The following CSMD1 variants were observed in gnomAD, a reference collection of about 807,000 sequenced individuals.
CSMD1 encodes CUB and sushi domain-containing protein 1.
In CSMD1, 213 loss-of-function variants were observed where a neutral mutation model predicts 417.5. The observed-to-expected ratio is 0.51, with a 90% CI of 0.46 to 0.57. The LOEUF is 0.57. Ranked by LOEUF, CSMD1 falls within the 20% of genes least tolerant of loss-of-function variation. The pLI is 0.00. For synonymous variants in CSMD1, 2,862 were observed against 1,736.8 expected (o/e 1.65, Z -16.11); for missense variants, 6,923 against 4,529.7 (o/e 1.53, Z -15.17).
chr8:3,377,794 T>A (rs767033788), intron 18 of CSMD1, among the ~76,000 whole-genome samples: 3 of 152,222 alleles, frequency 2.0e-5, no homozygotes, highest in Non-Finnish European at 4.4e-5. Context: ...GTTTCCTCAG[T>A]TACTACCCCC....
At position 3,457,158 on chromosome 8, in the gene CSMD1, C is replaced by G. The variant is rs374350825; in HGVS notation, c.1561+11554G>C. On this transcript the variant is annotated intron_variant, in intron 12 of 69. Transcript: ENST00000635120. ...CGTACTCGTCACTGAACACCTCATCCTGTACCTCTCTTCCTGGACTCCTCA... is the reference window on the plus strand; with the variant it reads ...CGTACTCGTCACTGAACACCTCATCGTGTACCTCTCTTCCTGGACTCCTCA... Among the ~76,000 whole-genome samples the G allele has an allele frequency of 2.9e-5, 4 of 139,920 alleles. No homozygotes were observed. In the East Asian group the frequency reaches 5.9e-4, roughly 21 times the overall value. 91.8% of individuals were successfully genotyped at this position (139,920 alleles called of 152,430 possible). A position where few individuals can be genotyped will look rare whatever the true frequency, so the allele number is the denominator to read the frequency against.
At chr8:3,100,585 G>A (rs1473983409) in intron 46 of CSMD1, among the ~76,000 whole-genome samples, 2 of 152,196 alleles carry the variant, frequency 1.3e-5, no homozygotes, top group African/African-American at 4.8e-5. Flanking sequence ...CCATAGGGGA[G>A]CACCTGTCAA....
intron 3 of CSMD1, among the ~76,000 whole-genome samples, chr8:4,188,373 T>A (rs140451124): frequency 9.2e-4 from 140 of 152,294 alleles, no homozygotes; most frequent in African/African-American, 3.1e-3. Flanking sequence ...TCATTCTGCA[T>A]AATAGCAAAC....
intron 3 of CSMD1, among the ~76,000 whole-genome samples, chr8:4,392,783 C>A (rs1803937387): frequency 1.3e-5 from 2 of 151,610 alleles, no homozygotes; most frequent in African/African-American, 4.8e-5. Context: ...TCCTGGCCAA[C>A]ATGGTGAAAC....
At chr8:4,619,786 G>A (rs1425105726) in intron 2 of CSMD1, among the ~76,000 whole-genome samples, 1 of 151,976 alleles carries the variant, frequency 6.6e-6, no homozygotes, top group Admixed American at 6.6e-5. Flanking sequence ...CACAATTTTG[G>A]TATTCATATC....
intron 5 of CSMD1, among the ~76,000 whole-genome samples, chr8:3,822,741 C>A (rs762142455): frequency 6.6e-6 from 1 of 151,978 alleles, no homozygotes; most frequent in Non-Finnish European, 1.5e-5. Context: ...TTGTTTGGCA[C>A]CAAAGTGGAA....
chr8:3,944,521 G>C (rs921133925), intron 5 of CSMD1, among the ~76,000 whole-genome samples: 5 of 151,962 alleles, frequency 3.3e-5, no homozygotes, highest in African/African-American at 1.2e-4. Context: ...GGCAGAGTTT[G>C]AGTTTTAATT....
At chr8:4,079,031 G>C (rs1311031025) in intron 3 of CSMD1, among the ~76,000 whole-genome samples, 3 of 150,300 alleles carry the variant, frequency 2.0e-5, no homozygotes, top group African/African-American at 7.4e-5. Flanking sequence ...GTTGTGTCCA[G>C]GTATGGACCC....
At chr8:3,087,840 G>C (rs907016656) in intron 48 of CSMD1, among the ~76,000 whole-genome samples, 1 of 152,136 alleles carries the variant, frequency 6.6e-6, no homozygotes, top group Non-Finnish European at 1.5e-5. Flanking sequence ...TCTGTCACCA[G>C]GATAAAAGTG....
intron 3 of CSMD1, among the ~76,000 whole-genome samples, chr8:4,282,960 C>T (rs1240481675): frequency 6.6e-6 from 1 of 152,098 alleles, no homozygotes; most frequent in Non-Finnish European, 1.5e-5. Flanking sequence ...ACTTTTCAGT[C>T]TCATATATTC....
chr8:4,426,638 T>A (rs1797575572), intron 2 of CSMD1, among the ~76,000 whole-genome samples: 1 of 123,638 alleles, frequency 8.1e-6, no homozygotes, highest in African/African-American at 3.0e-5. Flanking sequence ...AATATAGTAA[T>A]ATTTTGTTAT....
intron 2 of CSMD1, among the ~76,000 whole-genome samples, chr8:4,462,373 T>C (rs1318131148): frequency 6.6e-6 from 1 of 152,132 alleles, no homozygotes; most frequent in Admixed American, 6.5e-5. Flanking sequence ...AAATATTTCA[T>C]GTACATGAAT....
intron 26 of CSMD1, among the ~76,000 whole-genome samples, chr8:3,269,431 C>T (rs13264018): frequency 0.27 from 40,788 of 152,196 alleles, 5,715 homozygotes; most frequent in African/African-American, 0.34. Flanking sequence ...CAGTCCCAGC[C>T]TGTTCTGCCA....
intron 1 of CSMD1, among the ~76,000 whole-genome samples, chr8:4,773,455 C>A (rs935821121): frequency 6.6e-6 from 1 of 152,110 alleles, no homozygotes; most frequent in South Asian, 2.1e-4. Context: ...CCTGTGCACC[C>A]CAGAGCAGCA....
chr8:4,302,402 T>C (rs1798026829), intron 3 of CSMD1, among the ~76,000 whole-genome samples: 1 of 152,216 alleles, frequency 6.6e-6, no homozygotes, highest in East Asian at 1.9e-4. Context: ...TTGAAAACCT[T>C]TATATATGTG....
chr8:3,722,486 C>A (rs1331375289), intron 6 of CSMD1, among the ~76,000 whole-genome samples: 1 of 152,164 alleles, frequency 6.6e-6, no homozygotes, highest in Non-Finnish European at 1.5e-5. Flanking sequence ...TGAAACCATT[C>A]TCTCCTGAAA....
At chr8:3,137,175 G>T (rs1818151977) in intron 41 of CSMD1, among the ~76,000 whole-genome samples, 1 of 152,056 alleles carries the variant, frequency 6.6e-6, no homozygotes. Flanking sequence ...CACCCTAAAG[G>T]GCTAGAGAAC....
intron 51 of CSMD1, among the ~76,000 whole-genome samples, chr8:3,021,591 C>T (rs188422980): frequency 1.1e-3 from 163 of 152,320 alleles, no homozygotes; most frequent in Middle Eastern, 6.8e-3. Context: ...GGGAGCAAGT[C>T]TTTGCACAAA....
intron 3 of CSMD1, among the ~76,000 whole-genome samples, chr8:4,123,774 G>T (rs934148198): frequency 1.3e-5 from 2 of 152,152 alleles, no homozygotes; most frequent in Non-Finnish European, 2.9e-5. Flanking sequence ...TACTGATGAT[G>T]AAGTCAGAAG....
Sources: gnomAD v4.1 joint callset for allele counts (sites outside exome capture counted in the v4.1 genomes callset) on GRCh38, gnomAD v4.1.1 for gene constraint, MANE v1.5 for transcripts, NCBI Gene and HGNC (gene_info 2026-07-23, HGNC 2026-07-21) for gene names.